The following CCDC141 variants were observed in gnomAD, a reference collection of about 807,000 sequenced individuals.
CCDC141 encodes coiled-coil domain containing 141, also known as coiled-coil domain-containing protein 141.
In CCDC141, 168 loss-of-function variants were observed where a neutral mutation model predicts 181.0. The ratio of observed to expected loss-of-function variants is 0.93; its 90% CI spans 0.82 to 1.05. The LOEUF (loss-of-function observed/expected upper bound fraction) is 1.05, where lower values mean the gene tolerates loss of function less well. CCDC141 is among the 50% of genes least tolerant of loss of function. CCDC141 has a pLI of 0.00. For missense variants in CCDC141, 1,902 were observed against 1,788.5 expected (o/e 1.06, Z -1.14); for synonymous variants, 666 against 642.3 (o/e 1.04, Z -0.56).
chr2:178,847,764 A>G (rs1053716865), intron 21 of CCDC141, among the ~76,000 whole-genome samples: 1 of 152,168 alleles, frequency 6.6e-6, no homozygotes, highest in Admixed American at 6.5e-5. Context: ...TAAAATCCAC[A>G]TCCTTAAGGC....
rs755582619 is a variant in CCDC141 at position 178,865,717 on chromosome 2, T to G, written c.2724+50A>C. On this transcript the variant is annotated intron_variant, in intron 17 of 23. Coordinates refer to ENST00000443758, the MANE Select transcript of CCDC141 (RefSeq NM_173648.4). ...TGGACATTTAGACACATGCTTTAGG[T>G]TCAAACAGCTTTTTGGCAATGTGCC... The G allele has an allele frequency of 5.7e-6, 8 of 1,408,494 alleles. No homozygotes were observed. In the South Asian group the frequency reaches 7.3e-5, roughly 13 times the overall value. 87.2% of individuals were successfully genotyped at this position (1,408,494 alleles called of 1,614,324 possible).
chr2:178,894,665 GA>G (rs1006259670), intron 8 of CCDC141, among the ~76,000 whole-genome samples: 3 of 151,486 alleles, frequency 2.0e-5, no homozygotes. Flanking sequence ...AAAACAAAGG[GA>G]AAAAGGAAAA....
At chr2:178,949,189 CT>C (rs1213287552) in intron 5 of CCDC141, among the ~76,000 whole-genome samples, 5 of 151,536 alleles carry the variant, frequency 3.3e-5, no homozygotes, top group Admixed American at 6.6e-5. Flanking sequence ...AGAAGGACTC[CT>C]TTTTTTTTCT....
intron 8 of CCDC141, among the ~76,000 whole-genome samples, chr2:178,894,867 C>A (rs372053183): frequency 6.6e-5 from 10 of 152,214 alleles, no homozygotes; most frequent in African/African-American, 2.2e-4. Flanking sequence ...CTGAAATTTT[C>A]TCATAATTTG....
rs142276515 is a variant in CCDC141 at position 178,946,502 on chromosome 2, T to C, written c.781-1851A>G. ...TTAAACAAAAGTGAGTTTTATTTAT[T>C]CTTAGCTAAAGTGGGAGGGACTTGA... On this transcript the variant is annotated intron_variant, in intron 5 of 23. Transcript: ENST00000443758. Among the ~76,000 whole-genome samples the C allele has an allele frequency of 1.8e-3, 272 of 152,280 alleles. 5 individuals are homozygous for C. The South Asian group carries it at 0.023, about 13-fold the overall frequency.
At chr2:178,959,225 T>A (rs1348546262) in intron 5 of CCDC141, among the ~76,000 whole-genome samples, 1 of 151,770 alleles carries the variant, frequency 6.6e-6, no homozygotes, top group African/African-American at 2.4e-5. Flanking sequence ...CACACCAACA[T>A]GGCACATGTG....
chr2:178,956,236 G>A (rs138340514), intron 5 of CCDC141, among the ~76,000 whole-genome samples: 5 of 152,258 alleles, frequency 3.3e-5, no homozygotes, highest in South Asian at 4.2e-4. Context: ...AACCACTGTC[G>A]CTGCTGTTAA....
chr2:179,019,952 C>T, intron 2 of CCDC141, among the ~76,000 whole-genome samples: 1 of 151,932 alleles, frequency 6.6e-6, no homozygotes, highest in Admixed American at 6.6e-5. Flanking sequence ...GACAGAGTTT[C>T]ACCATGTTGC....
chr2:179,015,089 T>TATATATATATA (rs1559048612), intron 2 of CCDC141, among the ~76,000 whole-genome samples: 495 of 47,128 alleles, frequency 0.011, 33 homozygotes, highest in African/African-American at 0.029. Flanking sequence ...TATATATATA[T>TATATATATATA]ATATATATAT....
At position 178,867,369 on chromosome 2, in the gene CCDC141, A is replaced by G. The variant is rs757150750; in HGVS notation, c.2574+657T>C. ...TCATATCAAAAAATCAAATAAAAAG[A>G]TAGAGCAAAATTAATTTTTATAATA... On this transcript the variant is annotated intron_variant, in intron 16 of 23. Coordinates refer to ENST00000443758, the MANE Select transcript of CCDC141 (RefSeq NM_173648.4). Among the ~76,000 whole-genome samples, 23 of 152,190 alleles carry G rather than the reference A, an allele frequency of 1.5e-4. 1 individual carries two copies. The highest frequency in any genetic ancestry group is 5.2e-4 in the Admixed American group (8 of 15,268).
Position 178,837,723 on chromosome 2 carries a change from G to T in CCDC141, c.3496C>A (p.Leu1166Ile), listed in dbSNP as rs1684549839. 6.2e-7 allele frequency: 1 copy of T among 1,611,530 alleles called. No homozygotes were observed. Reference protein sequence around the residue: ...RNKGQVQVADLLGINGTGEER... With the variant: ...RNKGQVQVADILGINGTGEER... ...TCCCCTGTTCCATTGATGCCCAAAA[G>T]ATCTGCCACCTGCACCTGCCCCTTG... The change falls in exon 23 of 24, where the codon CTT (leucine) becomes ATT (isoleucine). Residue 1166 changes from leucine (L) to isoleucine (I), a missense_variant. Physicochemically the swap from Leu to Ile is conservative, Grantham distance 5. Transcript: ENST00000443758.
intron 2 of CCDC141, among the ~76,000 whole-genome samples, chr2:179,028,013 A>G (rs1309769214): frequency 6.6e-6 from 1 of 152,062 alleles, no homozygotes; most frequent in Non-Finnish European, 1.5e-5. Flanking sequence ...CTTTCCTCTC[A>G]TGGTTTCCTG....
intron 9 of CCDC141, among the ~76,000 whole-genome samples, chr2:178,887,102 A>G (rs1216109045): frequency 6.6e-6 from 1 of 152,222 alleles, no homozygotes; most frequent in African/African-American, 2.4e-5. Context: ...ATGTTGAAAG[A>G]TATTTCTTTT....
At chr2:178,940,109 G>A (rs1689447524) in intron 6 of CCDC141, among the ~76,000 whole-genome samples, 1 of 152,158 alleles carries the variant, frequency 6.6e-6, no homozygotes, top group Non-Finnish European at 1.5e-5. Context: ...GTCAGCAACT[G>A]GGCATGAAAA....
intron 21 of CCDC141, among the ~76,000 whole-genome samples, chr2:178,847,720 C>T (rs1684999543): frequency 6.6e-6 from 1 of 152,066 alleles, no homozygotes; most frequent in Non-Finnish European, 1.5e-5. Flanking sequence ...AGTGTTATAG[C>T]CTGAATGTTT....
Position 178,961,416 on chromosome 2 carries a change from G to C in CCDC141, c.594C>G (p.Phe198Leu), listed in dbSNP as rs1057290433. 3.9e-6 allele frequency: 6 copies of C among 1,550,254 alleles called. No homozygotes were observed. Among genetic ancestry groups the C allele is most frequent in the Non-Finnish European group, 5.2e-6 (6 of 1,146,878 alleles). The change falls in exon 5 of 24, where the codon TTC (phenylalanine) becomes TTG (leucine). Residue 198 changes from phenylalanine to leucine, a missense_variant. By Grantham distance (22) the Phe-to-Leu change is conservative. Coordinates refer to ENST00000443758, the MANE Select transcript of CCDC141 (RefSeq NM_173648.4). The part of the protein sequence containing the change: ...SQQLTDFIEK[F>L]KCEGPNVNPE... Reference sequence around the variant, plus strand: ...GATTCACATTAGGTCCTTCACACTTGAATTTTTCTATGAAGTCAGTGAGTT... The same window carrying C: ...GATTCACATTAGGTCCTTCACACTTCAATTTTTCTATGAAGTCAGTGAGTT...
At chr2:178,905,633 T>A in intron 7 of CCDC141, 132 bp from the exon 8 acceptor site, 1 of 879,742 alleles carries the variant, frequency 1.1e-6, no homozygotes, top group Non-Finnish European at 1.7e-6. Context: ...ACAACCATCT[T>A]AATCTTGGAA....
chr2:178,974,153 A>G (rs552165610), intron 4 of CCDC141, among the ~76,000 whole-genome samples: 2 of 152,286 alleles, frequency 1.3e-5, no homozygotes, highest in South Asian at 2.1e-4. Flanking sequence ...ATAATGATCT[A>G]TTGTCTAGAG....
chr2:178,956,883 CTT>C (rs71393449), intron 5 of CCDC141, among the ~76,000 whole-genome samples: 9 of 145,574 alleles, frequency 6.2e-5, no homozygotes, highest in East Asian at 4.0e-4. Context: ...AATGAGAAAG[CTT>C]TTTTTTTTTT....
Sources: gnomAD v4.1 joint callset for allele counts (sites outside exome capture counted in the v4.1 genomes callset) on GRCh38, gnomAD v4.1.1 for gene constraint, MANE v1.5 for transcripts, NCBI Gene and HGNC (gene_info 2026-07-23, HGNC 2026-07-21) for gene names.